The following NTRK3 variants were observed in gnomAD, a reference collection of about 807,000 sequenced individuals.
NTRK3 encodes the protein neurotrophic receptor tyrosine kinase 3.
Under a neutral mutation model 91.7 loss-of-function variants are expected in NTRK3, and 24 were observed. The observed-to-expected ratio is 0.26, with a 90% CI of 0.19 to 0.37. The LOEUF (loss-of-function observed/expected upper bound fraction) is 0.37. Ranked by LOEUF, NTRK3 falls within the 10% of genes least tolerant of loss-of-function variation. NTRK3 has a pLI of 1.00. For synonymous variants in NTRK3, 483 were observed against 404.0 expected (o/e 1.20, Z -2.34); for missense variants, 880 against 1,068.9 (o/e 0.82, Z 2.46).
At chr15:87,874,021 G>C (rs1288253164) in exon 19 of NTRK3, 1 of 228,376 alleles carries the variant, frequency 4.4e-6, no homozygotes, top group Non-Finnish European at 8.7e-6. Context: ...GAAGGGGCCA[G>C]AGATTAGCAG....
In NTRK3 at chr15:88,106,789, T is replaced by G. The variant is rs561935702; in HGVS notation, c.1396+19482A>C. On this transcript the variant is annotated intron_variant, in intron 13 of 18. Coordinates refer to ENST00000394480, the Ensembl canonical transcript of NTRK3. ...CTACTAAAAATACAAAACAATTAGC[T>G]GGGCATGGTGGTGGGTGCCTGTAAT... 6.6e-5 allele frequency among the ~76,000 whole-genome samples: 10 copies of G among 151,974 alleles called. No individual in the cohort carries two copies. The East Asian group carries it at 2.0e-3, about 30-fold the overall frequency.
chr15:88,045,607 T>C (rs936362795), intron 13 of NTRK3, among the ~76,000 whole-genome samples: 2 of 152,162 alleles, frequency 1.3e-5, no homozygotes, highest in African/African-American at 4.8e-5. Flanking sequence ...CTAGGTGACT[T>C]AAAACAACAG....
intron 14 of NTRK3, among the ~76,000 whole-genome samples, chr15:88,002,758 C>T (rs548807215): frequency 2.0e-5 from 3 of 150,642 alleles, no homozygotes; most frequent in Admixed American, 2.0e-4. Context: ...AAATATCCAT[C>T]CTTTAAACCA....
At chr15:88,002,168 G>A (rs1357487601) in intron 14 of NTRK3, among the ~76,000 whole-genome samples, 18 of 70,184 alleles carry the variant, frequency 2.6e-4, no homozygotes, top group African/African-American at 9.3e-4. Context: ...GATAGTGGTT[G>A]TTTTTTTTTT....
intron 14 of NTRK3, among the ~76,000 whole-genome samples, chr15:88,003,420 C>G (rs2076255269): frequency 1.3e-5 from 2 of 152,192 alleles, no homozygotes; most frequent in Admixed American, 1.3e-4. Context: ...TAACTTTGCA[C>G]CAGGCACTGT....
intron 5 of NTRK3, among the ~76,000 whole-genome samples, chr15:88,182,994 ACTTT>A (rs1013472492): frequency 3.3e-5 from 5 of 150,928 alleles, no homozygotes; most frequent in East Asian, 3.9e-4. Context: ...TATTAGCCAT[ACTTT>A]CTTTCTTCTT....
At chr15:87,938,666 A>T (rs1233648297) in intron 15 of NTRK3, among the ~76,000 whole-genome samples, 1 of 152,202 alleles carries the variant, frequency 6.6e-6, no homozygotes, top group East Asian at 1.9e-4. Flanking sequence ...CCATCATTTC[A>T]TTCTCTGCTG....
chr15:87,929,601 G>A (rs142147300), intron 16 of NTRK3, among the ~76,000 whole-genome samples, 167 bp from the exon 17 acceptor site: 33 of 152,282 alleles, frequency 2.2e-4, no homozygotes, highest in Non-Finnish European at 2.6e-4. Flanking sequence ...GATTATGTAC[G>A]TGTGGGTAAG....
intron 17 of NTRK3, among the ~76,000 whole-genome samples, chr15:87,900,330 C>G (rs910820702): frequency 6.6e-6 from 1 of 152,126 alleles, no homozygotes; most frequent in African/African-American, 2.4e-5. Flanking sequence ...CCTGGCAAGG[C>G]CTAGAGGCAT....
chr15:88,103,172 G>A (rs1164551862), intron 13 of NTRK3, among the ~76,000 whole-genome samples: 2 of 152,162 alleles, frequency 1.3e-5, no homozygotes, highest in Admixed American at 6.5e-5. Flanking sequence ...TAATCTAGGT[G>A]TCCTTGTGAA....
Position 88,004,740 on chromosome 15 carries a change from A to C in NTRK3, c.1585+28117T>G, listed in dbSNP as rs181752403. On this transcript the variant is annotated intron_variant, in intron 14 of 18. Transcript: ENST00000394480. ...TTTAGCAGGTGTGGGAGAGTGTGAGAGGCCAAACTTAAAAGCTCTGTGAGA... is the reference window on the plus strand; with the variant it reads ...TTTAGCAGGTGTGGGAGAGTGTGAGCGGCCAAACTTAAAAGCTCTGTGAGA... Among the ~76,000 whole-genome samples the C allele has an allele frequency of 1.2e-3, 178 of 152,318 alleles. 1 individual carries two copies. The highest frequency in any genetic ancestry group is 4.1e-3 in the African/African-American group (172 of 41,582).
chr15:88,005,858 A>G (rs1567217023), intron 14 of NTRK3, among the ~76,000 whole-genome samples: 1 of 152,194 alleles, frequency 6.6e-6, no homozygotes, highest in Non-Finnish European at 1.5e-5. Flanking sequence ...AGATAGGGCA[A>G]TACATTTGAG....
chr15:87,929,290 T>A (rs2068587677), exon 17 of NTRK3: 2 of 1,614,026 alleles, frequency 1.2e-6, no homozygotes, highest in Non-Finnish European at 1.7e-6. Context: ...TGGCCAGGTC[T>A]CGGTGCACAA....
At chr15:88,136,855 G>T (rs915953024) in intron 7 of NTRK3, among the ~76,000 whole-genome samples, 1 of 152,204 alleles carries the variant, frequency 6.6e-6, no homozygotes, top group Non-Finnish European at 1.5e-5. Context: ...GTTGCGGGGT[G>T]GGGGCAGTGC....
At position 88,072,313 on chromosome 15, in the gene NTRK3, C is replaced by T. The variant is rs530720026; in HGVS notation, c.1397-39268G>A. 10 of 188,648 alleles carry T rather than the reference C, an allele frequency of 5.3e-5. 1 individual carries two copies. The highest frequency in any genetic ancestry group is 5.6e-5 in the Non-Finnish European group (5 of 89,776). The allele number at this position is 188,648 out of a possible 1,614,324, so 11.7% of individuals were successfully genotyped here. A position where few individuals can be genotyped will look rare whatever the true frequency, so the allele number is the denominator to read the frequency against. On this transcript the variant is annotated intron_variant, in intron 13 of 18. Coordinates refer to ENST00000394480, the Ensembl canonical transcript of NTRK3. ...GCTACCGCGCCTGGCCCCAAACATC[C>T]TTTTCATACTCCCCTCAGGGGCTCT... is the stretch of plus-strand genomic sequence containing the variant.
intron 14 of NTRK3, among the ~76,000 whole-genome samples, chr15:87,985,363 T>A (rs1000770386): frequency 1.1e-4 from 17 of 152,216 alleles, no homozygotes; most frequent in Admixed American, 6.5e-5. Context: ...GACTTTTTAA[T>A]ATAGCTGTAC....
intron 3 of NTRK3, among the ~76,000 whole-genome samples, chr15:88,236,411 G>A (rs2051743351): frequency 6.6e-6 from 1 of 150,704 alleles, no homozygotes; most frequent in African/African-American, 2.4e-5. Flanking sequence ...TGTGGCTCAT[G>A]CCTGTAATCC....
chr15:88,148,261 C>G (rs750712157), intron 5 of NTRK3, among the ~76,000 whole-genome samples: 1 of 152,188 alleles, frequency 6.6e-6, no homozygotes, highest in Non-Finnish European at 1.5e-5. Context: ...TGCTTACACA[C>G]GCACCTATAT....
At chr15:87,924,185 G>A (rs545386730) in intron 17 of NTRK3, among the ~76,000 whole-genome samples, 1 of 152,246 alleles carries the variant, frequency 6.6e-6, no homozygotes, top group African/African-American at 2.4e-5. Flanking sequence ...CAAGTAACTT[G>A]CCGAAGGTCA....
Sources: gnomAD v4.1 joint callset for allele counts (sites outside exome capture counted in the v4.1 genomes callset) on GRCh38, gnomAD v4.1.1 for gene constraint, MANE v1.5 for transcripts, NCBI Gene and HGNC (gene_info 2026-07-23, HGNC 2026-07-21) for gene names.